The following EDAR variants were observed in gnomAD, a reference collection of about 807,000 sequenced individuals.
The protein encoded by EDAR is ectodysplasin A receptor.
EDAR carries 38 observed loss-of-function variants against 51.3 expected under a neutral mutation model. That is an observed-to-expected ratio of 0.74 (90% confidence interval 0.57 to 0.97). EDAR has a LOEUF of 0.97. EDAR is among the 50% of genes least tolerant of loss of function. EDAR has a pLI of 0.00. For synonymous variants in EDAR, 227 were observed against 242.1 expected (o/e 0.94, Z 0.58); for missense variants, 528 against 595.0 (o/e 0.89, Z 1.17).
chr2:108,956,326 G>T (rs1697925498), intron 1 of EDAR, among the ~76,000 whole-genome samples: 1 of 152,216 alleles, frequency 6.6e-6, no homozygotes, highest in African/African-American at 2.4e-5. Context: ...GCATGAGAGT[G>T]TTATGATGCC....
intron 1 of EDAR, among the ~76,000 whole-genome samples, chr2:108,944,475 G>A (rs1697676481): frequency 6.6e-6 from 1 of 152,154 alleles, no homozygotes. Context: ...GGCAACAATG[G>A]CCATGGAGCC....
intron 6 of EDAR, among the ~76,000 whole-genome samples, chr2:108,911,615 C>T (rs1424589467): frequency 6.6e-6 from 1 of 152,306 alleles, no homozygotes; most frequent in Admixed American, 6.5e-5. Context: ...ACCAGGCAGT[C>T]CCTCAGTCAC....
At chr2:108,983,871 C>T (rs1255986176) in intron 1 of EDAR, among the ~76,000 whole-genome samples, 1 of 152,170 alleles carries the variant, frequency 6.6e-6, no homozygotes, top group African/African-American at 2.4e-5. Flanking sequence ...GCCACTGCGT[C>T]CCCACTCCAT....
At chr2:108,916,413 C>T (rs917581067) in intron 5 of EDAR, among the ~76,000 whole-genome samples, 1 of 152,130 alleles carries the variant, frequency 6.6e-6, no homozygotes, top group Non-Finnish European at 1.5e-5. Flanking sequence ...GCCTAGAGAG[C>T]ACACAGACTT....
At chr2:108,937,687 ATGTGTATGTGTGTGAGTGTATGTG>A (rs1176170764) in intron 1 of EDAR, among the ~76,000 whole-genome samples, 3 of 151,082 alleles carry the variant, frequency 2.0e-5, no homozygotes, top group Non-Finnish European at 3.0e-5. Context: ...AGTGTATGTG[ATGTGTATGTGTGTGAGTGTATGTG>A]TGTGTATGTG....
intron 1 of EDAR, among the ~76,000 whole-genome samples, chr2:108,988,476 A>AGGATAT (rs1216618125): frequency 1.3e-5 from 2 of 151,874 alleles, no homozygotes; most frequent in Non-Finnish European, 2.9e-5. Context: ...CACAGAGGCC[A>AGGATAT]GGATATGGGG....
At chr2:108,929,837 C>T (rs1697331247) in intron 3 of EDAR, among the ~76,000 whole-genome samples, 3 of 152,224 alleles carry the variant, frequency 2.0e-5, no homozygotes, top group Admixed American at 6.5e-5. Flanking sequence ...TGCTTCCAAT[C>T]AGATGATCTG....
At chr2:108,975,585 G>A (rs191373215) in intron 1 of EDAR, among the ~76,000 whole-genome samples, 1 of 152,320 alleles carries the variant, frequency 6.6e-6, no homozygotes, top group African/African-American at 2.4e-5. Flanking sequence ...CCCCAGCACT[G>A]GAAGCAGGGC....
intron 9 of EDAR, among the ~76,000 whole-genome samples, chr2:108,908,940 C>G (rs903719718): frequency 1.3e-5 from 2 of 152,128 alleles, no homozygotes; most frequent in African/African-American, 4.8e-5. Context: ...TTCAGGGCCT[C>G]ACAAGGAGGT....
At chr2:108,959,785 T>C (rs1352472137) in intron 1 of EDAR, among the ~76,000 whole-genome samples, 2 of 152,180 alleles carry the variant, frequency 1.3e-5, no homozygotes, top group Non-Finnish European at 2.9e-5. Context: ...TGGCTGAAAA[T>C]GAGAAAGATA....
rs369707055 is a variant in EDAR at position 108,973,740 on chromosome 2, G to T, written c.-19+15220C>A. 4.6e-5 allele frequency among the ~76,000 whole-genome samples: 7 copies of T among 152,290 alleles called. No individual in the cohort carries two copies. The East Asian group carries it at 7.7e-4, about 17-fold the overall frequency. On this transcript the variant is annotated intron_variant, in intron 1 of 11. Coordinates refer to ENST00000258443, the MANE Select transcript of EDAR (RefSeq NM_022336.4). ...GACTACAAAACCTGGAAATTTTTTGGCTGGAGCCACAAGCTTGGCTTCCAT... is the reference window on the plus strand; with the variant it reads ...GACTACAAAACCTGGAAATTTTTTGTCTGGAGCCACAAGCTTGGCTTCCAT...
In EDAR at chr2:108,895,387, A is replaced by T. The variant is rs1230792830; in HGVS notation, c.*1520T>A. The T allele has an allele frequency of 1.3e-5, 2 of 152,564 alleles. No homozygotes were observed. The highest frequency in any genetic ancestry group is 2.4e-5 in the African/African-American group (1 of 41,416). 9.5% of individuals were successfully genotyped at this position (152,564 alleles called of 1,614,324 possible). Reference sequence around the variant, plus strand: ...CTGCCATCAGGGAGTTCAGCAGTGAACTCTAACCCCTGGTGTGATCACTAG... The same window carrying T: ...CTGCCATCAGGGAGTTCAGCAGTGATCTCTAACCCCTGGTGTGATCACTAG... On this transcript the variant is annotated 3_prime_UTR_variant, in exon 12 of 12. Coordinates refer to ENST00000258443, the MANE Select transcript of EDAR (RefSeq NM_022336.4).
intron 4 of EDAR, among the ~76,000 whole-genome samples, chr2:108,928,627 C>T (rs929065032): frequency 3.3e-5 from 5 of 152,160 alleles, no homozygotes; most frequent in African/African-American, 1.2e-4. Context: ...TCAGGATTTT[C>T]TGGGGATTGA....
chr2:108,973,393 C>T (rs531433487), intron 1 of EDAR, among the ~76,000 whole-genome samples: 9 of 152,292 alleles, frequency 5.9e-5, no homozygotes, highest in South Asian at 2.1e-4. Flanking sequence ...AGAGAGTGTC[C>T]GCCATCAGCC....
intron 1 of EDAR, among the ~76,000 whole-genome samples, chr2:108,956,981 G>C (rs1697939444): frequency 1.3e-5 from 2 of 152,142 alleles, no homozygotes; most frequent in Admixed American, 1.3e-4. Flanking sequence ...GTAGAGACGG[G>C]GTTTCTCCAC....
chr2:108,910,215 G>T (rs574635557), intron 9 of EDAR, among the ~76,000 whole-genome samples: 1 of 152,364 alleles, frequency 6.6e-6, no homozygotes, highest in African/African-American at 2.4e-5. Context: ...GGAAGGCCCA[G>T]GGAATTTGGC....
intron 11 of EDAR, among the ~76,000 whole-genome samples, chr2:108,899,765 C>G (rs907091893): frequency 6.6e-6 from 1 of 151,990 alleles, no homozygotes; most frequent in Non-Finnish European, 1.5e-5. Context: ...GTGGGCAGAT[C>G]ACCTGAGGTC....
intron 7 of EDAR, 33 bp downstream of exon 7, chr2:108,910,914 G>A: frequency 6.2e-7 from 1 of 1,614,070 alleles, no homozygotes; most frequent in African/African-American, 1.3e-5. Context: ...GGAGAGTCCA[G>A]GAAGCAGGGC....
intron 1 of EDAR, among the ~76,000 whole-genome samples, chr2:108,981,016 G>C (rs1183915417): frequency 6.6e-6 from 1 of 152,268 alleles, no homozygotes; most frequent in South Asian, 2.1e-4. Flanking sequence ...GAGCTGACCC[G>C]TTAAACTCAG....
Sources: gnomAD v4.1 joint callset for allele counts (sites outside exome capture counted in the v4.1 genomes callset) on GRCh38, gnomAD v4.1.1 for gene constraint, MANE v1.5 for transcripts, NCBI Gene and HGNC (gene_info 2026-07-23, HGNC 2026-07-21) for gene names.